The following DLG2 variants were observed in gnomAD, a reference collection of about 807,000 sequenced individuals.
DLG2 encodes the protein discs large MAGUK scaffold protein 2.
In DLG2, 45 loss-of-function variants were observed where a neutral mutation model predicts 132.5. The observed-to-expected ratio is 0.34, with a 90% CI of 0.27 to 0.44. The LOEUF is 0.44. Ranked by LOEUF, DLG2 falls within the 20% of genes least tolerant of loss-of-function variation. DLG2 has a pLI of 1.00. For missense variants in DLG2, 1,045 were observed against 1,196.9 expected (o/e 0.87, Z 1.87); for synonymous variants, 424 against 419.6 (o/e 1.01, Z -0.13).
intron 3 of DLG2, among the ~76,000 whole-genome samples, chr11:85,346,409 T>C (rs1205636437): frequency 6.6e-6 from 1 of 151,990 alleles, no homozygotes; most frequent in African/African-American, 2.4e-5. Context: ...AGGATGGTCT[T>C]GATCTCCTGA....
At chr11:84,172,541 ATTTATTTATTTATTTATTTG>A (rs879920217) in intron 8 of DLG2, among the ~76,000 whole-genome samples, 1,396 of 96,342 alleles carry the variant, frequency 0.014, 15 homozygotes, top group Non-Finnish European at 0.026. Context: ...TTATTTATTT[ATTTATTTATTTATTTATTTG>A]AGGTGGAGTC....
intron 6 of DLG2, among the ~76,000 whole-genome samples, chr11:84,603,948 T>C (rs779950363): frequency 2.6e-5 from 4 of 151,856 alleles, no homozygotes; most frequent in East Asian, 1.9e-4. Context: ...ACCTATCACA[T>C]GCTGGAATAA....
chr11:83,625,803 A>G (rs996802548), intron 19 of DLG2, among the ~76,000 whole-genome samples: 4 of 152,200 alleles, frequency 2.6e-5, no homozygotes, highest in Admixed American at 6.5e-5. Context: ...AAGGCCTTGC[A>G]GCACCACATA....
At chr11:84,793,557 T>C (rs2074164490) in intron 6 of DLG2, among the ~76,000 whole-genome samples, 1 of 152,214 alleles carries the variant, frequency 6.6e-6, no homozygotes. Context: ...CTCTGATGAA[T>C]ATTTGCTTTA....
chr11:85,113,102 T>C (rs902958047), intron 5 of DLG2, among the ~76,000 whole-genome samples: 9 of 151,992 alleles, frequency 5.9e-5, no homozygotes, highest in Non-Finnish European at 1.3e-4. Context: ...ATATCATCAA[T>C]CTCCATGATC....
intron 6 of DLG2, among the ~76,000 whole-genome samples, chr11:84,709,055 T>A (rs140332604): frequency 6.6e-6 from 1 of 151,886 alleles, no homozygotes; most frequent in African/African-American, 2.4e-5. Flanking sequence ...TGTGCTCACA[T>A]GGAAGCTGCT....
intron 6 of DLG2, among the ~76,000 whole-genome samples, chr11:85,069,157 T>C (rs2065389484): frequency 6.6e-6 from 1 of 151,152 alleles, no homozygotes; most frequent in Non-Finnish European, 1.5e-5. Flanking sequence ...TAATTCAAGA[T>C]GGATTAAAGA....
At chr11:85,571,815 T>G (rs1268869146) in intron 3 of DLG2, among the ~76,000 whole-genome samples, 1 of 152,204 alleles carries the variant, frequency 6.6e-6, no homozygotes, top group Non-Finnish European at 1.5e-5. Flanking sequence ...TTGACTAATG[T>G]ACCAGTACTG....
At chr11:83,715,910 C>G (rs2086582384) in intron 18 of DLG2, among the ~76,000 whole-genome samples, 1 of 152,152 alleles carries the variant, frequency 6.6e-6, no homozygotes, top group South Asian at 2.1e-4. Flanking sequence ...TTCCAGGAGG[C>G]CTTTTCTGAT....
chr11:84,793,102 A>G (rs1461890083), intron 6 of DLG2, among the ~76,000 whole-genome samples: 1 of 151,974 alleles, frequency 6.6e-6, no homozygotes, highest in African/African-American at 2.4e-5. Context: ...AGGTTTTGGT[A>G]TGTTGTGTTT....
intron 6 of DLG2, among the ~76,000 whole-genome samples, chr11:84,584,512 A>AT (rs890090764): frequency 7.4e-5 from 11 of 148,954 alleles, no homozygotes; most frequent in East Asian, 5.9e-4. Flanking sequence ...ATGCCTGGCT[A>AT]TTTTTTTTTA....
At chr11:84,391,971 C>T (rs2098794066) in intron 7 of DLG2, among the ~76,000 whole-genome samples, 1 of 152,168 alleles carries the variant, frequency 6.6e-6, no homozygotes, top group Non-Finnish European at 1.5e-5. Context: ...GAAACAGCTT[C>T]ACTTATCCAG....
At chr11:84,660,071 C>A (rs1282529920) in intron 6 of DLG2, among the ~76,000 whole-genome samples, 1 of 152,036 alleles carries the variant, frequency 6.6e-6, no homozygotes, top group Non-Finnish European at 1.5e-5. Context: ...TTTACTGGGG[C>A]TCCATCACAT....
chr11:84,082,921 T>C (rs2096924931), intron 10 of DLG2, among the ~76,000 whole-genome samples: 1 of 152,160 alleles, frequency 6.6e-6, no homozygotes, highest in Non-Finnish European at 1.5e-5. Flanking sequence ...TATAGAATGG[T>C]GGTATATTAA....
At chr11:84,550,217 T>C (rs1188294331) in intron 6 of DLG2, among the ~76,000 whole-genome samples, 1 of 151,964 alleles carries the variant, frequency 6.6e-6, no homozygotes, top group Non-Finnish European at 1.5e-5. Context: ...GCTTCCACCA[T>C]GCTATTACCA....
chr11:85,304,452 T>C (rs2079807877), intron 3 of DLG2, among the ~76,000 whole-genome samples: 1 of 152,088 alleles, frequency 6.6e-6, no homozygotes, highest in Non-Finnish European at 1.5e-5. Context: ...GGTCCAAGAA[T>C]TTTAATTAAC....
intron 6 of DLG2, among the ~76,000 whole-genome samples, chr11:84,671,772 C>T (rs574887600): frequency 1.3e-5 from 2 of 152,236 alleles, no homozygotes; most frequent in East Asian, 1.9e-4. Flanking sequence ...TCTGAAAATT[C>T]GTCTGAGTCA....
chr11:85,388,865 A>C (rs2152942226), intron 3 of DLG2, among the ~76,000 whole-genome samples: 1 of 152,314 alleles, frequency 6.6e-6, no homozygotes, highest in East Asian at 1.9e-4. Context: ...CTTGAGTCCC[A>C]GATCTTCCTT....
intron 7 of DLG2, among the ~76,000 whole-genome samples, chr11:84,465,434 A>AGAGATTCTCATGTTACGTGCACCAT (rs2099091587): frequency 6.6e-6 from 1 of 151,270 alleles, no homozygotes; most frequent in African/African-American, 2.4e-5. Flanking sequence ...CATTCATCAT[A>AGAGATTCTCATGTTACGTGCACCAT]GAGATTCTCA....
Sources: allele counts gnomAD v4.1 joint callset (sites outside exome capture counted in the v4.1 genomes callset), GRCh38; gene constraint gnomAD v4.1.1; transcripts MANE v1.5; gene names NCBI Gene and HGNC (gene_info 2026-07-23, HGNC 2026-07-21).